The following LPO variants were observed in gnomAD, a reference collection of about 807,000 sequenced individuals.
LPO encodes the protein salivary peroxidase.
In LPO, 70 loss-of-function variants were observed where a neutral mutation model predicts 68.4. The observed-to-expected ratio is 1.02, with a 90% CI of 0.84 to 1.25. The LOEUF (loss-of-function observed/expected upper bound fraction) is 1.25, where lower values mean the gene tolerates loss of function less well. LPO is among the 50% of genes most tolerant of loss of function. LPO has a pLI of 0.00. For synonymous variants in LPO, 360 were observed against 357.6 expected (o/e 1.01, Z -0.08); for missense variants, 873 against 908.4 (o/e 0.96, Z 0.50).
chr17:58,243,966 A>G (rs1273708072), intron 2 of LPO, 28 bp from the exon 3 acceptor site: 3 of 1,513,372 alleles, frequency 2.0e-6, no homozygotes, highest in Admixed American at 1.7e-5. Context: ...CTGACACCCT[A>G]CTTCCTGCTC....
At position 58,266,306 on chromosome 17, in the gene LPO, G is replaced by A; in HGVS notation, c.1673G>A (p.Cys558Tyr). The change falls in exon 11 of 13, where the codon TGC (cysteine) becomes TAC (tyrosine). Residue 558 changes from cysteine (C) to tyrosine (Y), a missense_variant. Physicochemically the swap from Cys to Tyr is radical, Grantham distance 194. Coordinates refer to ENST00000262290, the MANE Select transcript of LPO (RefSeq NM_006151.3). ...FDLAAINTQR[C>Y]RDHGQPGYNS... is the part of the protein sequence containing the mutation. ...CTGGCTGCCATCAACACACAGCGTT[G>A]CCGGGACCATGGGCAACCTGGTGAG... 6.2e-7 allele frequency: 1 copy of A among 1,614,102 alleles called. No individual in the cohort carries two copies.
At chr17:58,266,449 C>A in intron 11 of LPO, 123 bp downstream of exon 11, 1 of 1,182,276 alleles carries the variant, frequency 8.5e-7, no homozygotes, top group Non-Finnish European at 1.2e-6. Context: ...AAAAGTCAGG[C>A]CAGTTTTTTT....
chr17:58,249,035 C>A, intron 4 of LPO, 25 bp from the exon 5 acceptor site: 1 of 1,575,020 alleles, frequency 6.3e-7, no homozygotes, highest in South Asian at 1.1e-5. Flanking sequence ...AGAACTCAGT[C>A]CCTTTGGGGT....
chr17:58,248,720 G>T (rs935945599), intron 4 of LPO, among the ~76,000 whole-genome samples: 2 of 151,898 alleles, frequency 1.3e-5, no homozygotes, highest in African/African-American at 4.8e-5. Context: ...AACCTCCCGG[G>T]GTATTTCCAT....
chr17:58,266,451 A>T, intron 11 of LPO, 125 bp downstream of exon 11: 1 of 955,936 alleles, frequency 1.0e-6, no homozygotes, highest in Non-Finnish European at 1.5e-6. Flanking sequence ...AAGTCAGGCC[A>T]GTTTTTTTTG....
chr17:58,251,630 C>T, intron 7 of LPO: 1 of 345,190 alleles, frequency 2.9e-6, no homozygotes, highest in South Asian at 2.3e-5. Flanking sequence ...AGAGCATAAA[C>T]TGTGGAATGA....
chr17:58,250,699 A>T, intron 7 of LPO, 78 bp downstream of exon 7: 1 of 1,423,206 alleles, frequency 7.0e-7, no homozygotes, highest in Non-Finnish European at 9.8e-7. Flanking sequence ...CTCATCAGCT[A>T]GGATCTCTGG....
At chr17:58,250,009 A>G (rs1307383757) in intron 6 of LPO, among the ~76,000 whole-genome samples, 1 of 151,800 alleles carries the variant, frequency 6.6e-6, no homozygotes, top group Non-Finnish European at 1.5e-5. Flanking sequence ...GTTTGCCTGG[A>G]GGTCCTATTT....
intron 9 of LPO, among the ~76,000 whole-genome samples, chr17:58,260,130 T>C (rs368292449): frequency 6.6e-6 from 1 of 152,246 alleles, no homozygotes; most frequent in Non-Finnish European, 1.5e-5. Context: ...TCATTTTCTT[T>C]GGAGGAATTA....
At chr17:58,264,617 G>C in intron 9 of LPO, 105 bp from the exon 10 acceptor site, 1 of 1,249,868 alleles carries the variant, frequency 8.0e-7, no homozygotes, top group South Asian at 1.3e-5. Context: ...GCCATCCTTG[G>C]TTTTCAACAG....
intron 4 of LPO, among the ~76,000 whole-genome samples, chr17:58,248,163 C>A (rs190315678): frequency 2.3e-3 from 347 of 152,224 alleles, no homozygotes; most frequent in Non-Finnish European, 3.9e-3. Context: ...ACTCTCACCC[C>A]CAACCAAATG....
chr17:58,260,132 G>C (rs1030402778), intron 9 of LPO, among the ~76,000 whole-genome samples: 3 of 152,184 alleles, frequency 2.0e-5, no homozygotes, highest in Non-Finnish European at 1.5e-5. Flanking sequence ...ATTTTCTTTG[G>C]AGGAATTATA....
At chr17:58,259,783 C>T (rs996330292) in intron 9 of LPO, among the ~76,000 whole-genome samples, 1 of 152,056 alleles carries the variant, frequency 6.6e-6, no homozygotes, top group Non-Finnish European at 1.5e-5. Flanking sequence ...AGATTCTGTA[C>T]ATGTTTTGTT....
chr17:58,250,766 C>T (rs1969945672), intron 7 of LPO, 145 bp downstream of exon 7: 1 of 776,396 alleles, frequency 1.3e-6, no homozygotes, highest in Non-Finnish European at 2.1e-6. Context: ...CATTCGTTCA[C>T]TCATCCGTTT....
chr17:58,251,506 C>T (rs8178343), intron 7 of LPO: 8 of 210,442 alleles, frequency 3.8e-5, no homozygotes, highest in East Asian at 2.3e-4. Context: ...GATTTCCATC[C>T]GGAAGGGAGA....
chr17:58,248,361 A>C (rs140738581), intron 4 of LPO, among the ~76,000 whole-genome samples: 2 of 152,346 alleles, frequency 1.3e-5, no homozygotes, highest in East Asian at 1.9e-4. Flanking sequence ...TCTGAAATAC[A>C]AAAGGTTCGG....
chr17:58,262,926 C>T (rs73314175), intron 9 of LPO, among the ~76,000 whole-genome samples: 1 of 152,100 alleles, frequency 6.6e-6, no homozygotes, highest in Non-Finnish European at 1.5e-5. Flanking sequence ...TCAGTTTCAC[C>T]CCCTTTCTCC....
At chr17:58,239,243 G>A (rs1243314535) in intron 1 of LPO, among the ~76,000 whole-genome samples, 1 of 149,916 alleles carries the variant, frequency 6.7e-6, no homozygotes, top group African/African-American at 2.5e-5. Flanking sequence ...TCTCATGCCT[G>A]CCATCTGCAG....
At chr17:58,252,091 C>T in intron 7 of LPO, 91 bp from the exon 8 acceptor site, 1 of 1,201,072 alleles carries the variant, frequency 8.3e-7, no homozygotes, top group East Asian at 2.4e-5. Context: ...GTGCCATCAG[C>T]ATCTTTGCAT....
Sources: gnomAD v4.1 joint callset for allele counts (sites outside exome capture counted in the v4.1 genomes callset) on GRCh38, gnomAD v4.1.1 for gene constraint, MANE v1.5 for transcripts, NCBI Gene and HGNC (gene_info 2026-07-23, HGNC 2026-07-21) for gene names.